Variants in RIMOC1 observed in about 807,000 individuals in gnomAD.
The protein encoded by RIMOC1 is RAB7A interacting MON1-CCZ1 complex subunit 1, also known as RAB7A-interacting MON1-CCZ1 complex subunit 1.
chr5:41,918,634 C>T, the RIMOC1 span: 1 of 985,378 alleles, frequency 1.0e-6, no homozygotes, highest in Non-Finnish European at 1.2e-6. Flanking sequence ...CTACAAGTGT[C>T]TCACTTCAGC....
the RIMOC1 span, among the ~76,000 whole-genome samples, chr5:41,910,272 A>AC: frequency 6.6e-6 from 1 of 151,520 alleles, no homozygotes; most frequent in South Asian, 2.1e-4. Context: ...AATGTTGATC[A>AC]CCCCCTCCCT....
the RIMOC1 span, among the ~76,000 whole-genome samples, chr5:41,912,599 A>C: frequency 6.6e-6 from 1 of 152,218 alleles, no homozygotes; most frequent in South Asian, 2.1e-4. Context: ...GCATGTCTTA[A>C]ATGGCAGCAG....
At chr5:41,917,586 A>AT in the RIMOC1 span, 37 of 972,590 alleles carry the variant, frequency 3.8e-5, no homozygotes, top group Non-Finnish European at 4.0e-5. Flanking sequence ...CTTTACAAAG[A>AT]TTTTTTCTAT....
At chr5:41,906,153 A>C in the RIMOC1 span, among the ~76,000 whole-genome samples, 5 of 152,358 alleles carry the variant, frequency 3.3e-5, no homozygotes, top group South Asian at 1.0e-3. Context: ...AGATACAGCC[A>C]GACATTATTT....
the RIMOC1 span, among the ~76,000 whole-genome samples, chr5:41,904,874 T>C: frequency 1.1e-4 from 16 of 152,232 alleles, no homozygotes; most frequent in East Asian, 1.2e-3. Context: ...AGTTCCACTT[T>C]TTCATTGCTG....
chr5:41,904,616 T>G, the RIMOC1 span: 10 of 687,540 alleles, frequency 1.5e-5, no homozygotes, highest in African/African-American at 1.6e-4. Context: ...TCTGAGCCCC[T>G]CTGCGCCATC....
chr5:41,913,480 AC>A, the RIMOC1 span, among the ~76,000 whole-genome samples: 1 of 152,294 alleles, frequency 6.6e-6, no homozygotes, highest in South Asian at 2.1e-4. Flanking sequence ...ACTTACTTTT[AC>A]CATCTCCTTA....
the RIMOC1 span, chr5:41,918,001 A>G: frequency 1.0e-6 from 1 of 985,260 alleles, no homozygotes; most frequent in South Asian, 4.7e-5. Flanking sequence ...GTCTACCATT[A>G]GTTCATATGT....
chr5:41,912,019 A>G, the RIMOC1 span: 3 of 1,090,142 alleles, frequency 2.8e-6, no homozygotes, highest in East Asian at 2.4e-5. Context: ...TGAAGTTTAT[A>G]TATCTCTGCA....
the RIMOC1 span, among the ~76,000 whole-genome samples, chr5:41,911,535 A>G: frequency 1.3e-5 from 2 of 152,198 alleles, no homozygotes; most frequent in Non-Finnish European, 2.9e-5. Context: ...CCCTGCTTCT[A>G]GAAAATTGTG....
the RIMOC1 span, among the ~76,000 whole-genome samples, chr5:41,914,564 G>A: frequency 1.6e-4 from 24 of 151,418 alleles, no homozygotes; most frequent in African/African-American, 5.8e-4. Context: ...ACTGGCGCCA[G>A]GAGTTCAAGA....
chr5:41,905,133 T>C, the RIMOC1 span, among the ~76,000 whole-genome samples: 2 of 152,208 alleles, frequency 1.3e-5, no homozygotes, highest in African/African-American at 4.8e-5. Context: ...TCTACATTAT[T>C]CCTTTTTGAG....
the RIMOC1 span, chr5:41,904,368 A>T: frequency 3.7e-6 from 6 of 1,612,774 alleles, no homozygotes; most frequent in East Asian, 2.2e-5. Flanking sequence ...GATTGTGGCC[A>T]TGGCGGCCGC....
the RIMOC1 span, among the ~76,000 whole-genome samples, chr5:41,905,397 T>C: frequency 2.0e-5 from 3 of 152,296 alleles, no homozygotes; most frequent in African/African-American, 7.2e-5. Context: ...GGAGCCCCTC[T>C]AGTAGTGGGA....
At chr5:41,915,660 A>G in the RIMOC1 span, among the ~76,000 whole-genome samples, 1 of 152,204 alleles carries the variant, frequency 6.6e-6, no homozygotes, top group Non-Finnish European at 1.5e-5. Flanking sequence ...GAAACCCCTT[A>G]TAAAACTATT....
At chr5:41,921,199 G>T in the RIMOC1 span, 13 of 152,710 alleles carry the variant, frequency 8.5e-5, no homozygotes, top group African/African-American at 2.9e-4. Context: ...TAGCTTTACA[G>T]TCTTGCTGTG....
the RIMOC1 span, chr5:41,911,189 CA>C: frequency 6.3e-7 from 1 of 1,590,682 alleles, no homozygotes; most frequent in East Asian, 2.3e-5. Flanking sequence ...GGTAAGAAGA[CA>C]TTCCTTACAC....
chr5:41,917,267 A>C, the RIMOC1 span: 3 of 1,611,346 alleles, frequency 1.9e-6, no homozygotes, highest in Admixed American at 3.3e-5. Flanking sequence ...TGCAAAACAA[A>C]TTTTAAACTT....
chr5:41,912,001 T>C, the RIMOC1 span: 10 of 948,880 alleles, frequency 1.1e-5, no homozygotes, highest in Non-Finnish European at 1.4e-5. Context: ...ATGGAAAATA[T>C]TAGTATTTGA....
Sources: allele counts gnomAD v4.1 joint callset (sites outside exome capture counted in the v4.1 genomes callset), GRCh38; gene constraint gnomAD v4.1.1; transcripts MANE v1.5; gene names NCBI Gene and HGNC (gene_info 2026-07-23, HGNC 2026-07-21).